Variants in CCNY observed in about 807,000 individuals in gnomAD.
CCNY encodes the protein cyclin-Y.
In CCNY, 19 loss-of-function variants were observed where a neutral mutation model predicts 42.8. The ratio of observed to expected loss-of-function variants is 0.44; its 90% CI spans 0.31 to 0.65. The LOEUF (loss-of-function observed/expected upper bound fraction) is 0.65, where lower values mean the gene tolerates loss of function less well. Ranked by LOEUF, CCNY falls within the 30% of genes least tolerant of loss-of-function variation. The pLI, the probability that CCNY is intolerant of heterozygous loss-of-function variation, is 0.07. For missense variants in CCNY, 370 were observed against 437.3 expected (o/e 0.85, Z 1.37); for synonymous variants, 165 against 162.7 (o/e 1.01, Z -0.11).
intron 1 of CCNY, among the ~76,000 whole-genome samples, chr10:35,448,224 C>T (rs769074302): frequency 5.3e-5 from 8 of 152,142 alleles, no homozygotes; most frequent in South Asian, 2.1e-4. Context: ...TGGCCAAGTA[C>T]CTGCTCTCTG....
At chr10:35,451,194 T>C (rs1228269204) in intron 1 of CCNY, among the ~76,000 whole-genome samples, 1 of 152,250 alleles carries the variant, frequency 6.6e-6, no homozygotes. Flanking sequence ...TGTGTGTTTA[T>C]ATAAATTGTG....
chr10:35,321,114 TAA>T (rs57608664), intron 3 of CCNY: 2,152 of 121,822 alleles, frequency 0.018, 49 homozygotes, highest in African/African-American at 0.061. Context: ...AGGCTTTGTC[TAA>T]AAAAAAAAAA....
chr10:35,399,010 C>A (rs1193863978), intron 1 of CCNY, among the ~76,000 whole-genome samples: 1 of 152,182 alleles, frequency 6.6e-6, no homozygotes, highest in Non-Finnish European at 1.5e-5. Flanking sequence ...TCCCTTATAG[C>A]GTAGGCTTGT....
chr10:35,364,280 G>A (rs934040823), intron 1 of CCNY, among the ~76,000 whole-genome samples: 1 of 152,068 alleles, frequency 6.6e-6, no homozygotes, highest in Non-Finnish European at 1.5e-5. Flanking sequence ...GAGCAAGCAG[G>A]AGTGGAATTC....
At chr10:35,368,856 C>G (rs776765379) in intron 1 of CCNY, among the ~76,000 whole-genome samples, 23 of 151,738 alleles carry the variant, frequency 1.5e-4, no homozygotes, top group African/African-American at 4.8e-4. Flanking sequence ...AACCGGTGCT[C>G]GGAGGTACCA....
intron 1 of CCNY, among the ~76,000 whole-genome samples, chr10:35,406,217 A>G (rs1429704821): frequency 1.6e-5 from 2 of 122,414 alleles, no homozygotes; most frequent in African/African-American, 3.1e-5. Flanking sequence ...TTATTTATTT[A>G]TTTATTTATT....
At chr10:35,476,106 C>G (rs1221175322) in intron 1 of CCNY, among the ~76,000 whole-genome samples, 1 of 152,066 alleles carries the variant, frequency 6.6e-6, no homozygotes, top group Non-Finnish European at 1.5e-5. Flanking sequence ...ATATATGCAC[C>G]CAATACAGGA....
At chr10:35,515,329 A>G (rs572552156) in intron 3 of CCNY, among the ~76,000 whole-genome samples, 11 of 152,258 alleles carry the variant, frequency 7.2e-5, no homozygotes, top group Non-Finnish European at 1.6e-4. Context: ...GGAACCCCAA[A>G]GAAGTAACTA....
At chr10:35,438,504 ATTG>A (rs1276580152) in intron 1 of CCNY, among the ~76,000 whole-genome samples, 1 of 152,110 alleles carries the variant, frequency 6.6e-6, no homozygotes, top group African/African-American at 2.4e-5. Context: ...TGGCTGTATC[ATTG>A]TTAAGTTAAC....
chr10:35,384,815 G>C (rs928827909), intron 1 of CCNY, among the ~76,000 whole-genome samples: 1 of 152,130 alleles, frequency 6.6e-6, no homozygotes. Context: ...AATTGCTTCC[G>C]TGGGCTTCCG....
intron 3 of CCNY, among the ~76,000 whole-genome samples, chr10:35,275,277 G>A (rs1835225077): frequency 1.3e-5 from 2 of 151,334 alleles, no homozygotes; most frequent in Non-Finnish European, 2.9e-5. Context: ...TGTTGGCCAG[G>A]CTGGTTTTGA....
intron 9 of CCNY, among the ~76,000 whole-genome samples, chr10:35,566,898 T>C (rs1354616934): frequency 6.8e-6 from 1 of 147,734 alleles, no homozygotes; most frequent in Non-Finnish European, 1.5e-5. Flanking sequence ...TTAGTAGAGA[T>C]GGATGGGGTT....
intron 3 of CCNY, among the ~76,000 whole-genome samples, chr10:35,512,811 G>A (rs1198747952): frequency 6.6e-6 from 1 of 152,088 alleles, no homozygotes; most frequent in Non-Finnish European, 1.5e-5. Context: ...GATGGGTGGA[G>A]GATTTGAGGA....
intron 1 of CCNY, among the ~76,000 whole-genome samples, chr10:35,367,280 T>C (rs531881270): frequency 1.2e-4 from 18 of 152,368 alleles, no homozygotes; most frequent in African/African-American, 4.3e-4. Context: ...TATTCTATTT[T>C]ATAGACTGTA....
intron 1 of CCNY, among the ~76,000 whole-genome samples, chr10:35,424,878 C>G (rs934326249): frequency 6.6e-6 from 1 of 152,240 alleles, no homozygotes; most frequent in Non-Finnish European, 1.5e-5. Flanking sequence ...CTAATCCACA[C>G]TGTCCTCCAG....
At chr10:35,381,565 CAAAA>C (rs57561593) in intron 1 of CCNY, among the ~76,000 whole-genome samples, 1 of 69,682 alleles carries the variant, frequency 1.4e-5, no homozygotes. Flanking sequence ...GACTCCGTCT[CAAAA>C]AAAAAAAAAA....
chr10:35,497,069 A>C (rs1400445177), intron 2 of CCNY, among the ~76,000 whole-genome samples: 3 of 152,216 alleles, frequency 2.0e-5, no homozygotes, highest in Non-Finnish European at 2.9e-5. Context: ...ACTATCATAG[A>C]TTGTGTCAAA....
At chr10:35,562,033 C>A (rs1841476728) in intron 8 of CCNY, among the ~76,000 whole-genome samples, 1 of 152,170 alleles carries the variant, frequency 6.6e-6, no homozygotes, top group Admixed American at 6.5e-5. Flanking sequence ...GAAGTGGCAA[C>A]CGCTGTGGAT....
At chr10:35,392,313 A>G (rs1837431323) in intron 1 of CCNY, among the ~76,000 whole-genome samples, 1 of 152,226 alleles carries the variant, frequency 6.6e-6, no homozygotes, top group South Asian at 2.1e-4. Context: ...GAAGTTGAGA[A>G]CATAAAGACC....
Sources: gnomAD v4.1 joint callset for allele counts (sites outside exome capture counted in the v4.1 genomes callset) on GRCh38, gnomAD v4.1.1 for gene constraint, MANE v1.5 for transcripts, NCBI Gene and HGNC (gene_info 2026-07-23, HGNC 2026-07-21) for gene names.